Variants in KPNA7 observed in about 807,000 individuals in gnomAD.
KPNA7 encodes the protein importin subunit alpha-8.
KPNA7 carries 54 observed loss-of-function variants against 53.7 expected under a neutral mutation model. The observed-to-expected ratio is 1.01, with a 90% CI of 0.81 to 1.26. The LOEUF (loss-of-function observed/expected upper bound fraction) is 1.26. KPNA7 is among the 50% of genes most tolerant of loss of function. KPNA7 has a pLI of 0.00. For missense variants in KPNA7, 640 were observed against 644.5 expected, an observed-to-expected ratio of 0.99 and a Z score of 0.07; for synonymous variants, 276 against 259.3, an observed-to-expected ratio of 1.06 and a Z score of -0.62.
At chr7:99,190,740 C>CAA (rs1429496244) in intron 6 of KPNA7, among the ~76,000 whole-genome samples, 1 of 151,568 alleles carries the variant, frequency 6.6e-6, no homozygotes, top group Non-Finnish European at 1.5e-5. Context: ...ACTGCAGCCT[C>CAA]AAACTCAAGC....
chr7:99,192,479 C>G (rs1361351225), intron 6 of KPNA7, among the ~76,000 whole-genome samples: 1 of 152,174 alleles, frequency 6.6e-6, no homozygotes, highest in African/African-American at 2.4e-5. Context: ...GTGGTGTGAT[C>G]TTGGCTCTCT....
rs1035274011 is a variant in KPNA7, at chr7:99,186,460, C to T, written c.901-1298G>A. Among the ~76,000 whole-genome samples the T allele has an allele frequency of 8.5e-5, 13 of 152,102 alleles. No individual in the cohort carries two copies. The South Asian group carries it at 1.0e-3, about 12-fold the overall frequency. ...GCAGCTCCAAATAGGCCCCAGAACCCGGGGGTAAGCAACTTCTTAGAGAAT... is the reference window on the plus strand; with the variant it reads ...GCAGCTCCAAATAGGCCCCAGAACCTGGGGGTAAGCAACTTCTTAGAGAAT... On this transcript the variant is annotated intron_variant, in intron 7 of 10. Transcript: ENST00000327442.
upstream of KPNA7, among the ~76,000 whole-genome samples, chr7:99,212,865 T>C (rs1791112160): frequency 6.6e-6 from 1 of 151,852 alleles, no homozygotes; most frequent in Admixed American, 6.6e-5. Flanking sequence ...CACTCCAGCA[T>C]GGGTGACAGA....
chr7:99,206,556 A>C (rs181287305), intron 2 of KPNA7, among the ~76,000 whole-genome samples: 33 of 151,648 alleles, frequency 2.2e-4, no homozygotes, highest in African/African-American at 7.5e-4. Context: ...GCAGCCTTGA[A>C]CTCCTGGGCT....
chr7:99,215,301 G>A (rs1180714376), intron 1 of KPNA7, among the ~76,000 whole-genome samples: 2 of 146,682 alleles, frequency 1.4e-5, no homozygotes, highest in East Asian at 2.0e-4. Flanking sequence ...GAACCCGGGA[G>A]GCAGAGGTTG....
chr7:99,187,841 T>A (rs1382643333), intron 7 of KPNA7, among the ~76,000 whole-genome samples: 37 of 117,124 alleles, frequency 3.2e-4, no homozygotes, highest in East Asian at 6.2e-4. Context: ...AAAAACCCAC[T>A]AGGATTTGAC....
At chr7:99,156,400 TTC>T in the KPNA7 span, among the ~76,000 whole-genome samples, 1 of 152,196 alleles carries the variant, frequency 6.6e-6, no homozygotes, top group Non-Finnish European at 1.5e-5. Context: ...GGAAAGAGTC[TTC>T]TGTTTATTCT....
chr7:99,161,644 C>T, the KPNA7 span, among the ~76,000 whole-genome samples: 2 of 152,086 alleles, frequency 1.3e-5, no homozygotes, highest in African/African-American at 4.8e-5. Context: ...ATTAGTGATT[C>T]CCTGTCTGCC....
At position 99,195,163 on chromosome 7, in the gene KPNA7, C is replaced by A; in HGVS notation, c.460G>T (p.Glu154Ter). ...ATCAAGGGCTGGATGGCTCCCCCTT[C>A]TACCACGGCACGAGTCTGCTCCGAA... is the stretch of plus-strand genomic sequence containing the variant. ...GTSEQTRAVV[E>*]GGAIQPLIEL... The change falls in exon 5 of 11, where the codon GAA becomes TAA. Residue 154 changes from glutamate (E) to a stop codon, truncating the protein, a stop_gained. Transcript: ENST00000327442. LOFTEE classifies it high-confidence loss of function. 1 of 1,551,626 alleles carries A rather than the reference C, an allele frequency of 6.4e-7. No homozygotes were observed. Among genetic ancestry groups the A allele is most frequent in the Non-Finnish European group, 8.7e-7 (1 of 1,147,004 alleles).
Position 99,216,773 on chromosome 7 carries a change from G to C in KPNA7, c.-23-9284C>G, listed in dbSNP as rs1451778631. ...GACAGGGTTTCACCATGTTGGCCAG[G>C]CTGGTCTCGAACTCCTGACCTCAGG... is the stretch of plus-strand genomic sequence containing the variant. On this transcript the variant is annotated intron_variant, in intron 1 of 10. Coordinates refer to the KPNA7 transcript ENST00000681060. 5.9e-5 allele frequency among the ~76,000 whole-genome samples: 9 copies of C among 152,160 alleles called. No individual in the cohort carries two copies. The East Asian group carries it at 1.7e-3, about 30-fold the overall frequency.
chr7:99,209,306 A>G (rs1790979258), upstream of KPNA7, among the ~76,000 whole-genome samples: 1 of 152,126 alleles, frequency 6.6e-6, no homozygotes, highest in South Asian at 2.1e-4. Flanking sequence ...CTCAAGCACA[A>G]GTCACTGAGA....
At chr7:99,209,526 G>T (rs1441833891), upstream of KPNA7, among the ~76,000 whole-genome samples, 24 of 151,418 alleles carry the variant, frequency 1.6e-4, no homozygotes, top group East Asian at 4.5e-3. Context: ...TCTACTAAAA[G>T]TACAAAATTA....
chr7:99,201,507 C>CA lies in KPNA7; in HGVS notation c.201+1598dup, dbSNP rs557831807. On this transcript the variant is annotated intron_variant, in intron 3 of 10. Transcript: ENST00000327442. ...TAAAAAACCGTCTCTACTAAAAATACAAAAAATTAGTTGGGTGTGGTGGTG... is the reference window on the plus strand; with the variant it reads ...TAAAAAACCGTCTCTACTAAAAATACAAAAAAATTAGTTGGGTGTGGTGGTG... Among the ~76,000 whole-genome samples the CA allele has an allele frequency of 9.2e-4, 139 of 151,720 alleles. 1 individual carries two copies. The highest frequency in any genetic ancestry group is 3.2e-3 in the African/African-American group (134 of 41,408).
Position 99,176,315 on chromosome 7 carries a change from AAG to A in KPNA7, c.1464+1603_1464+1604del, listed in dbSNP as rs1563063771. The stretch of plus-strand genomic sequence containing the variant: ...TACGTCTCAAAAAAAAAAAAAAAGA[AAG>A]AAAGAAAGAAAGAAAAGAAAAATTT... On this transcript the variant is annotated intron_variant, in intron 10 of 10. Coordinates refer to ENST00000327442, the MANE Select transcript of KPNA7 (RefSeq NM_001145715.3). 4.7e-3 allele frequency among the ~76,000 whole-genome samples: 327 copies of A among 70,210 alleles called. 5 individuals are homozygous for A. Among genetic ancestry groups the A allele is most frequent in the Admixed American group, 0.011 (73 of 6,588 alleles). The allele number at this position is 70,210 out of a possible 152,430, so 46.1% of individuals were successfully genotyped here.
chr7:99,211,118 G>A (rs909478246), upstream of KPNA7, among the ~76,000 whole-genome samples: 8 of 152,150 alleles, frequency 5.3e-5, no homozygotes, highest in African/African-American at 1.4e-4. Flanking sequence ...TTGGAGATTT[G>A]CATCAGAGAA....
intron 5 of KPNA7, among the ~76,000 whole-genome samples, chr7:99,194,047 T>C (rs1032503238): frequency 6.6e-6 from 1 of 152,204 alleles, no homozygotes; most frequent in African/African-American, 2.4e-5. Flanking sequence ...TGTGGAGTCC[T>C]TGGAGGTCTA....
At position 99,184,914 on chromosome 7, in the gene KPNA7, G is replaced by A. The variant is rs1159086358; in HGVS notation, c.1134+15C>T. The A allele has an allele frequency of 4.5e-6, 7 of 1,547,312 alleles. No individual in the cohort carries two copies. In the Middle Eastern group the frequency reaches 5.0e-4, roughly 111 times the overall value. ...AAAGTAGTCCTTTGCCATGGTTGCT[G>A]TGTGCGCCACTTACGTTTTTTAGCA... On this transcript the variant is annotated intron_variant, in intron 8 of 10. Coordinates refer to ENST00000327442, the MANE Select transcript of KPNA7 (RefSeq NM_001145715.3).
the KPNA7 span, among the ~76,000 whole-genome samples, chr7:99,160,030 T>TTG: frequency 1.4e-5 from 2 of 142,116 alleles, no homozygotes; most frequent in Admixed American, 7.0e-5. Flanking sequence ...TTTTTTTTTT[T>TTG]TTTTTTTTTT....
rs184331676 is a variant in KPNA7 at position 99,184,952 on chromosome 7, G to C, written c.1111C>G (p.Pro371Ala). Residue 371 changes from proline to alanine, a missense_variant, in exon 8 of 11, where the codon CCC becomes GCC. Transcript: ENST00000327442. ...ACGTTTTTTAGCAGAGCCACCAAGG[G>C]AGGCAAGACGTCGTAGGCAAGCAGC... is the stretch of plus-strand genomic sequence containing the variant. The part of the protein sequence containing the change: ...QQLLAYDVLP[P>A]LVALLKNGEF... 3.2e-6 allele frequency: 5 copies of C among 1,552,076 alleles called. No individual in the cohort carries two copies. In the Admixed American group the frequency reaches 9.8e-5, roughly 30 times the overall value.
Sources: allele counts gnomAD v4.1 joint callset (sites outside exome capture counted in the v4.1 genomes callset), GRCh38; gene constraint gnomAD v4.1.1; transcripts MANE v1.5; gene names NCBI Gene and HGNC (gene_info 2026-07-23, HGNC 2026-07-21).